Variants in UBL7 observed in about 807,000 individuals in gnomAD.
The protein encoded by UBL7 is ubiquitin like 7, also known as ubiquitin-like protein 7.
In UBL7, 21 loss-of-function variants were observed where a neutral mutation model predicts 41.7. That is an observed-to-expected ratio of 0.50 (90% confidence interval 0.36 to 0.73). The LOEUF (loss-of-function observed/expected upper bound fraction) is 0.73, where lower values mean the gene tolerates loss of function less well. Among genes scored for constraint, UBL7 ranks in the 30% least tolerant of loss-of-function variants. UBL7 has a pLI of 0.00. For synonymous variants in UBL7, 157 were observed against 186.9 expected, an observed-to-expected ratio of 0.84 and a Z score of 1.31; for missense variants, 403 against 478.4, an observed-to-expected ratio of 0.84 and a Z score of 1.47.
chr15:74,454,218 T>C (rs1457188457), intron 3 of UBL7, among the ~76,000 whole-genome samples: 1 of 152,138 alleles, frequency 6.6e-6, no homozygotes, highest in Non-Finnish European at 1.5e-5. Context: ...AAATGAGGTA[T>C]AAAAGGGAAA....
At chr15:74,459,167 C>T (rs576904716) in intron 1 of UBL7, 9 of 340,392 alleles carry the variant, frequency 2.6e-5, no homozygotes, top group South Asian at 4.5e-5. Context: ...TCATCTAACC[C>T]TCTCCCTTCT....
intron 9 of UBL7, 130 bp from the exon 10 acceptor site, chr15:74,448,730 A>G (rs2061210396): frequency 2.3e-6 from 3 of 1,319,098 alleles, no homozygotes; most frequent in Non-Finnish European, 3.2e-6. Flanking sequence ...AAGACCTGCC[A>G]TAAGACAACC....
chr15:74,448,463 G>A lies in UBL7; in HGVS notation c.1005+15C>T, dbSNP rs763287044. On this transcript the variant is annotated intron_variant, in intron 10 of 10. Transcript: ENST00000395081. ...AAGGAAGCCACATGGAAACCAAGAC[G>A]TGGGGAAGACTGACCTGAAGGCTGG... 3.3e-5 allele frequency: 53 copies of A among 1,612,818 alleles called. No individual in the cohort carries two copies. Among genetic ancestry groups the A allele is most frequent in the Non-Finnish European group, 3.9e-5 (46 of 1,179,360 alleles).
intron 3 of UBL7, among the ~76,000 whole-genome samples, chr15:74,453,484 G>A (rs1289822291): frequency 6.6e-6 from 1 of 152,144 alleles, no homozygotes; most frequent in Non-Finnish European, 1.5e-5. Flanking sequence ...TCCCAGAGGA[G>A]ACCATTTGAA....
chr15:74,453,313 A>T (rs528433772), intron 3 of UBL7, among the ~76,000 whole-genome samples: 1 of 152,358 alleles, frequency 6.6e-6, no homozygotes, highest in Admixed American at 6.5e-5. Context: ...CCTGCCATCA[A>T]GGAACTCTTA....
At chr15:74,457,747 A>AG in intron 2 of UBL7, among the ~76,000 whole-genome samples, 1 of 150,678 alleles carries the variant, frequency 6.6e-6, no homozygotes, top group South Asian at 2.1e-4. Flanking sequence ...AAAAAAAAAA[A>AG]AAAAAAAAAA....
rs1156694145 is a variant in UBL7, at chr15:74,452,304, T to C, written c.379A>G (p.Arg127Gly). 6.4e-7 allele frequency: 1 copy of C among 1,557,186 alleles called. No individual in the cohort carries two copies. Among genetic ancestry groups the C allele is most frequent in the East Asian group, 2.4e-5 (1 of 41,776 alleles). ...CCGCAGCACACACTCACCGCCTCCCTGTAAGAGGAGCTGCTGTGCAGGGCA... is the reference window on the plus strand; with the variant it reads ...CCGCAGCACACACTCACCGCCTCCCCGTAAGAGGAGCTGCTGTGCAGGGCA... ...HTALHSSSSY[R>G]EAVFKMLSNK... The change falls in exon 4 of 11, where the codon AGG (arginine) becomes GGG (glycine). Residue 127 changes from arginine to glycine, a missense_variant. Transcript: ENST00000395081.
chr15:74,461,075 A>G lies in UBL7; in HGVS notation c.-68T>C, dbSNP rs1003186721. ...CCAGCTACTTGGCTGACACACATCG[A>G]GCCCGCGCTGCCCAGGGCCCCAGCG... On this transcript the variant is annotated 5_prime_UTR_variant, in exon 1 of 11. Coordinates refer to ENST00000395081, the MANE Select transcript of UBL7 (RefSeq NM_032907.5). The G allele has an allele frequency of 9.8e-7, 1 of 1,017,528 alleles. No homozygotes were observed. 63.0% of individuals were successfully genotyped at this position (1,017,528 alleles called of 1,614,324 possible).
At chr15:74,454,811 A>G (rs879667506) in intron 3 of UBL7, among the ~76,000 whole-genome samples, 8 of 152,248 alleles carry the variant, frequency 5.3e-5, no homozygotes, top group Non-Finnish European at 1.0e-4. Flanking sequence ...TGATTTTATA[A>G]TTGAGTATCT....
chr15:74,456,239 A>C (rs923089805), intron 3 of UBL7, among the ~76,000 whole-genome samples: 1 of 152,100 alleles, frequency 6.6e-6, no homozygotes, highest in African/African-American at 2.4e-5. Flanking sequence ...CGGAGGTTGC[A>C]GTGATCCAAG....
chr15:74,450,518 G>A (rs2141314986), intron 6 of UBL7, among the ~76,000 whole-genome samples: 1 of 152,234 alleles, frequency 6.6e-6, no homozygotes, highest in Middle Eastern at 3.4e-3. Flanking sequence ...TTCTCCTTTT[G>A]CCAGCTTAAA....
chr15:74,448,080 G>A (rs760522327), intron 10 of UBL7, among the ~76,000 whole-genome samples: 5 of 152,138 alleles, frequency 3.3e-5, no homozygotes, highest in Non-Finnish European at 7.4e-5. Flanking sequence ...TGGGTTTCTT[G>A]CCTTGTTGCT....
Position 74,450,009 on chromosome 15 carries a change from T to C in UBL7, c.591A>G (p.Ala197=). 6.2e-7 allele frequency: 1 copy of C among 1,613,678 alleles called. No individual in the cohort carries two copies. Among genetic ancestry groups the C allele is most frequent in the Non-Finnish European group, 8.5e-7 (1 of 1,179,856 alleles). The change falls in exon 7 of 11, where the codon GCA becomes GCG. Residue 197 remains alanine, a synonymous_variant. Transcript: ENST00000395081. The stretch of plus-strand genomic sequence containing the variant: ...CAGTCCCAGGCATTGGGGCACTGCC[T>C]GCTACGGAGTGCAGAACCAGGACAA... ...NAIVLVLHSV[A]GSAPMPGTDS... is the part of the protein sequence containing the mutation.
At chr15:74,452,198 C>T (rs1323144443) in intron 4 of UBL7, 98 bp downstream of exon 4, 1 of 1,315,884 alleles carries the variant, frequency 7.6e-7, no homozygotes, top group East Asian at 2.6e-5. Flanking sequence ...TCTTGGTTGC[C>T]ATGGCAACGG....
rs1430380433 is a variant in UBL7 at position 74,458,885 on chromosome 15, C to G, written c.-18G>C. 1 of 1,605,830 alleles carries G rather than the reference C, an allele frequency of 6.2e-7. No individual in the cohort carries two copies. Among genetic ancestry groups the G allele is most frequent in the East Asian group, 2.2e-5 (1 of 44,898 alleles). ...AGAGACATCCTCTCTCTTTCGCGCTCTCTCTTTCTCCCTGTAAAAGAACAA... is the reference window on the plus strand; with the variant it reads ...AGAGACATCCTCTCTCTTTCGCGCTGTCTCTTTCTCCCTGTAAAAGAACAA... On this transcript the variant is annotated 5_prime_UTR_variant, in exon 2 of 11. Coordinates refer to ENST00000395081, the MANE Select transcript of UBL7 (RefSeq NM_032907.5).
chr15:74,454,617 C>T (rs879566686), intron 3 of UBL7, among the ~76,000 whole-genome samples: 6 of 152,076 alleles, frequency 3.9e-5, no homozygotes, highest in East Asian at 1.9e-4. Context: ...AGGCTTGTCT[C>T]GAACTCCCAA....
At position 74,448,434 on chromosome 15, in the gene UBL7, T is replaced by C. The variant is rs2061206493; in HGVS notation, c.1005+44A>G. 1.9e-6 allele frequency: 3 copies of C among 1,609,054 alleles called. No homozygotes were observed. In the African/African-American group the frequency reaches 4.0e-5, roughly 22 times the overall value. ...CAAAACAAAGGCTGGGCATCCAAAA[T>C]AACAAGGAAGCCACATGGAAACCAA... is the stretch of plus-strand genomic sequence containing the variant. On this transcript the variant is annotated intron_variant, in intron 10 of 10. Transcript: ENST00000395081.
chr15:74,461,114 C>T lies in UBL7; in HGVS notation c.-107G>A. 1.0e-6 allele frequency: 1 copy of T among 997,496 alleles called. No individual in the cohort carries two copies. Among genetic ancestry groups the T allele is most frequent in the Non-Finnish European group, 1.2e-6 (1 of 835,966 alleles). 61.8% of individuals were successfully genotyped at this position (997,496 alleles called of 1,614,324 possible). On this transcript the variant is annotated 5_prime_UTR_variant, in exon 1 of 11. Transcript: ENST00000395081. ...AGGGCCCCAGCGCCCTCACCCGTCCCGCGGAAGGAACCCGGCCGCACTGCC... is the reference window on the plus strand; with the variant it reads ...AGGGCCCCAGCGCCCTCACCCGTCCTGCGGAAGGAACCCGGCCGCACTGCC...
chr15:74,455,822 A>C (rs2141323415), intron 3 of UBL7, among the ~76,000 whole-genome samples: 2 of 152,252 alleles, frequency 1.3e-5, no homozygotes, highest in Admixed American at 1.3e-4. Flanking sequence ...CCCCGTCTCT[A>C]CTAAAAATAC....
Sources: allele counts gnomAD v4.1 joint callset (sites outside exome capture counted in the v4.1 genomes callset), GRCh38; gene constraint gnomAD v4.1.1; transcripts MANE v1.5; gene names NCBI Gene and HGNC (gene_info 2026-07-23, HGNC 2026-07-21).